Variants in FMN2 observed in about 807,000 individuals in gnomAD.
The protein encoded by FMN2 is formin 2.
Under a neutral mutation model 142.3 loss-of-function variants are expected in FMN2, and 51 were observed. That is an observed-to-expected ratio of 0.36 (90% CI 0.29 to 0.45). The LOEUF is 0.45. Ranked by LOEUF, FMN2 falls within the 20% of genes least tolerant of loss-of-function variation. FMN2 has a pLI of 1.00. For missense variants in FMN2, 1,936 were observed against 2,122.8 expected (o/e 0.91, Z 1.73); for synonymous variants, 882 against 869.8 (o/e 1.01, Z -0.25).
At chr1:240,180,243 A>C in intron 3 of FMN2, 1 of 1,107,638 alleles carries the variant, frequency 9.0e-7, no homozygotes. Context: ...CCCAGCAGTC[A>C]TATAGCATTT....
intron 2 of FMN2, among the ~76,000 whole-genome samples, chr1:240,141,461 C>T (rs374387598): frequency 3.9e-5 from 6 of 152,152 alleles, no homozygotes; most frequent in African/African-American, 7.2e-5. Flanking sequence ...TCTGCCCCCA[C>T]GGTTCTAGTG....
rs1676757819 is a variant in FMN2 at position 240,470,117 on chromosome 1, G to A, written c.5061-2255G>A. Among the ~76,000 whole-genome samples the A allele has an allele frequency of 3.3e-5, 5 of 149,732 alleles. No individual in the cohort carries two copies. In the South Asian group the frequency reaches 8.5e-4, roughly 26 times the overall value. On this transcript the variant is annotated intron_variant, in intron 16 of 17. Transcript: ENST00000319653. ...AGATGCTTTGAGGATCTAAATACTTGTAAAGTACATTTTATTGGAATGCCA... is the reference window on the plus strand; with the variant it reads ...AGATGCTTTGAGGATCTAAATACTTATAAAGTACATTTTATTGGAATGCCA...
intron 14 of FMN2, among the ~76,000 whole-genome samples, chr1:240,372,172 G>A (rs1672890926): frequency 6.6e-6 from 1 of 152,092 alleles, no homozygotes; most frequent in South Asian, 2.1e-4. Flanking sequence ...GGAGGCAGAG[G>A]TTTCAGTAAG....
At chr1:240,217,817 A>C (rs77902015) in intron 6 of FMN2, among the ~76,000 whole-genome samples, 3 of 151,970 alleles carry the variant, frequency 2.0e-5, no homozygotes, top group South Asian at 2.1e-4. Flanking sequence ...AAAAAAAAAA[A>C]CACGAATACA....
chr1:240,249,198 C>T (rs1668191531), intron 6 of FMN2, among the ~76,000 whole-genome samples: 1 of 151,898 alleles, frequency 6.6e-6, no homozygotes, highest in Admixed American at 6.6e-5. Context: ...AAGTATTTTC[C>T]CTCTGTTTAC....
chr1:240,395,941 T>A (rs757752396), intron 15 of FMN2, among the ~76,000 whole-genome samples: 2 of 152,190 alleles, frequency 1.3e-5, no homozygotes, highest in African/African-American at 2.4e-5. Flanking sequence ...CATCATATAC[T>A]ACAGAGAAAT....
At chr1:240,210,375 T>C (rs1313030412) in intron 5 of FMN2, among the ~76,000 whole-genome samples, 3 of 152,204 alleles carry the variant, frequency 2.0e-5, no homozygotes, top group Non-Finnish European at 2.9e-5. Flanking sequence ...TTTGCCAGGT[T>C]CGTTTTCATT....
At chr1:240,237,443 C>T (rs1329123297) in intron 6 of FMN2, among the ~76,000 whole-genome samples, 3 of 152,136 alleles carry the variant, frequency 2.0e-5, no homozygotes, top group African/African-American at 7.2e-5. Flanking sequence ...AGTTTCCTAC[C>T]CTGTAGAACT....
At chr1:240,403,570 G>A (rs1304792019) in intron 15 of FMN2, among the ~76,000 whole-genome samples, 1 of 152,166 alleles carries the variant, frequency 6.6e-6, no homozygotes, top group Non-Finnish European at 1.5e-5. Flanking sequence ...GGGAGCAGAG[G>A]TTGCAGTAAG....
chr1:240,360,181 A>T (rs961167666), intron 14 of FMN2, among the ~76,000 whole-genome samples: 1 of 152,120 alleles, frequency 6.6e-6, no homozygotes, highest in Non-Finnish European at 1.5e-5. Context: ...TATTTCTGAG[A>T]TTTGTTTATA....
intron 1 of FMN2, among the ~76,000 whole-genome samples, chr1:240,121,735 TAAAAAAAAAAAAAAAAAAAAA>T (rs71168898): frequency 3.9e-5 from 1 of 25,672 alleles, no homozygotes; most frequent in Non-Finnish European, 6.4e-5. Flanking sequence ...AGGGAAATAG[TAAAAAAAAAAAAAAAAAAAAA>T]AAAAAAAAAA....
chr1:240,419,077 C>A (rs1387202830), intron 15 of FMN2, among the ~76,000 whole-genome samples: 1 of 152,164 alleles, frequency 6.6e-6, no homozygotes, highest in Admixed American at 6.5e-5. Context: ...CACTGCACTC[C>A]AGCCTGGGCA....
intron 15 of FMN2, among the ~76,000 whole-genome samples, chr1:240,421,337 T>G (rs1674756383): frequency 6.6e-6 from 1 of 152,200 alleles, no homozygotes; most frequent in Non-Finnish European, 1.5e-5. Flanking sequence ...TACCTTTAAA[T>G]TAACAATATT....
chr1:240,437,918 C>G (rs1362584173), intron 15 of FMN2, 143 bp from the exon 16 acceptor site: 2 of 968,482 alleles, frequency 2.1e-6, no homozygotes, highest in Non-Finnish European at 3.0e-6. Context: ...CATAAGAGAG[C>G]TACTGTTGGT....
chr1:240,171,930 G>A (rs973806974), intron 2 of FMN2, among the ~76,000 whole-genome samples: 4 of 152,182 alleles, frequency 2.6e-5, no homozygotes, highest in South Asian at 2.1e-4. Context: ...ATGTCATTCC[G>A]CAAAAGCCAA....
chr1:240,258,007 T>C lies in FMN2; in HGVS notation c.4128T>C (p.His1376=), dbSNP rs1668507214. The C allele has an allele frequency of 1.2e-6, 2 of 1,612,340 alleles. No homozygotes were observed. The highest frequency in any genetic ancestry group is 1.3e-5 in the African/African-American group (1 of 74,886). The change falls in exon 7 of 18, where the codon CAT becomes CAC. Residue 1376 remains histidine, a synonymous_variant. Coordinates refer to ENST00000319653, the MANE Select transcript of FMN2 (RefSeq NM_020066.5). ...QAVGILMSSL[H]LDMKDIQHAV... ...TTGGAATACTAATGTCTAGCCTTCA[T>C]TTAGATATGAAAGACATACAACATG...
At chr1:240,104,524 G>A (rs1040225656) in intron 1 of FMN2, among the ~76,000 whole-genome samples, 7 of 152,234 alleles carry the variant, frequency 4.6e-5, no homozygotes, top group Admixed American at 2.6e-4. Context: ...CCATTCCGAA[G>A]CCTCTAGTAG....
In FMN2 at chr1:240,456,519, C is replaced by T. The variant is rs138283657; in HGVS notation, c.5061-15853C>T. On this transcript the variant is annotated intron_variant, in intron 16 of 17. Coordinates refer to ENST00000319653, the MANE Select transcript of FMN2 (RefSeq NM_020066.5). ...TTGCCCAGGCTGGAGCGCAATGGCA[C>T]GATCTCGGTTCACCACAACCTCTGC... is the stretch of plus-strand genomic sequence containing the variant. 4.8e-3 allele frequency among the ~76,000 whole-genome samples: 734 copies of T among 152,258 alleles called. 6 individuals are homozygous for T. Among genetic ancestry groups the T allele is most frequent in the African/African-American group, 0.017 (692 of 41,554 alleles).
chr1:240,410,847 A>G (rs185104233), intron 15 of FMN2, among the ~76,000 whole-genome samples: 2 of 152,274 alleles, frequency 1.3e-5, no homozygotes, highest in African/African-American at 4.8e-5. Context: ...GCAAAAGTCA[A>G]TTAGTACCAC....
Sources: gnomAD v4.1 joint callset for allele counts (sites outside exome capture counted in the v4.1 genomes callset) on GRCh38, gnomAD v4.1.1 for gene constraint, MANE v1.5 for transcripts, NCBI Gene and HGNC (gene_info 2026-07-23, HGNC 2026-07-21) for gene names.